PDE9A: variants seen among roughly 807,000 people sequenced by gnomAD.
PDE9A encodes high affinity cGMP-specific 3',5'-cyclic phosphodiesterase 9A.
In PDE9A, 60 loss-of-function variants were observed where a neutral mutation model predicts 87.4. The ratio of observed to expected loss-of-function variants is 0.69; its 90% CI spans 0.56 to 0.85. The LOEUF (loss-of-function observed/expected upper bound fraction) is 0.85. Among genes scored for constraint, PDE9A ranks in the 40% least tolerant of loss-of-function variants. The probability of loss-of-function intolerance (pLI) is 0.00; values close to 1 mark genes in which losing one functional copy is unlikely to be tolerated. For missense variants in PDE9A, 665 were observed against 779.0 expected (o/e 0.85, Z 1.74); for synonymous variants, 272 against 279.4 (o/e 0.97, Z 0.27).
In PDE9A at chr21:42,770,687, C is replaced by T. The variant is rs1042789766; in HGVS notation, c.1591-16C>T. 7 of 1,594,880 alleles carry T rather than the reference C, an allele frequency of 4.4e-6. No individual in the cohort carries two copies. Among genetic ancestry groups the T allele is most frequent in the East Asian group, 2.2e-5 (1 of 44,758 alleles). On this transcript the variant is annotated splice_polypyrimidine_tract_variant and intron_variant, in intron 17 of 19. Transcript: ENST00000291539. ...AAGAACGAGGGACTCTGAATAAATC[C>T]GTGTGTCTCTCCCAGCTCTTCCCCA...
Position 42,743,785 on chromosome 21 carries a change from T to C in PDE9A, c.578T>C (p.Leu193Pro), listed in dbSNP as rs200110573. The change falls in exon 8 of 20, where the codon CTA (leucine) becomes CCA (proline). Residue 193 changes from leucine (L) to proline (P), a missense_variant. Leu to Pro is a moderately conservative substitution (Grantham distance 98, BLOSUM62 -3). Transcript: ENST00000291539. Reference protein sequence around the residue: ...VLEKRVELEGLKVVEIEKCKS... With the variant: ...VLEKRVELEGPKVVEIEKCKS... ...CTCTCTCTGTCACCAGTGGAAGGAC[T>C]AAAAGTGGTGGAGATTGAGAAATGC... 2.2e-5 allele frequency: 35 copies of C among 1,587,984 alleles called. No homozygotes were observed. Among genetic ancestry groups the C allele is most frequent in the Non-Finnish European group, 3.0e-5 (35 of 1,165,148 alleles).
chr21:42,665,927 G>T (rs774715963), intron 1 of PDE9A, among the ~76,000 whole-genome samples: 2 of 152,208 alleles, frequency 1.3e-5, no homozygotes, highest in Admixed American at 1.3e-4. Flanking sequence ...GCACCTCTGC[G>T]CCATGAGGCC....
rs562927812 is a variant in PDE9A, at chr21:42,754,198, C to A, written c.810+134C>A. The A allele has an allele frequency of 8.7e-3, 4,877 of 563,392 alleles. 168 individuals are homozygous for A. The highest frequency in any genetic ancestry group is 0.076 in the African/African-American group (3,863 of 50,524). The allele number at this position is 563,392 out of a possible 1,614,324, so 34.9% of individuals were successfully genotyped here. A position where few individuals can be genotyped will look rare whatever the true frequency, so the allele number is the denominator to read the frequency against. On this transcript the variant is annotated intron_variant, in intron 10 of 19. Coordinates refer to ENST00000291539, the MANE Select transcript of PDE9A (RefSeq NM_002606.3). ...CTTTTTAAAGACTGAAAAAAAAAAA[C>A]AAAACTTGTTTTGCCAGGTTTTAGT...
intron 2 of PDE9A, among the ~76,000 whole-genome samples, chr21:42,686,620 G>T (rs1179829793): frequency 6.6e-6 from 1 of 152,148 alleles, no homozygotes; most frequent in East Asian, 1.9e-4. Context: ...TTCGAGACCA[G>T]CCTGGCCAAC....
At chr21:42,772,964 T>A (rs2057151135) in intron 19 of PDE9A, among the ~76,000 whole-genome samples, 1 of 150,760 alleles carries the variant, frequency 6.6e-6, no homozygotes. Flanking sequence ...TTGCAACTAA[T>A]CATTAGAATT....
chr21:42,748,729 C>CT lies in PDE9A; in HGVS notation c.654-2378dup, dbSNP rs944395002. Among the ~76,000 whole-genome samples the CT allele has an allele frequency of 3.5e-3, 526 of 151,258 alleles. 2 individuals are homozygous for CT. Among genetic ancestry groups the CT allele is most frequent in the Middle Eastern group, 0.017 (5 of 294 alleles). ...ACAACTAAAACATGCGTTGTGTAGT[C>CT]TTTTTTTTTACTAGTGGCATTGTGA... On this transcript the variant is annotated intron_variant, in intron 8 of 19. Transcript: ENST00000291539.
intron 1 of PDE9A, among the ~76,000 whole-genome samples, chr21:42,685,178 G>A (rs1011074793): frequency 6.6e-6 from 1 of 152,210 alleles, no homozygotes. Flanking sequence ...GTCCAGCCCT[G>A]GAGAAGCCCC....
chr21:42,728,038 C>T (rs958890290), intron 4 of PDE9A, among the ~76,000 whole-genome samples: 1 of 152,140 alleles, frequency 6.6e-6, no homozygotes, highest in Non-Finnish European at 1.5e-5. Context: ...TGTTCCATAT[C>T]CATATATCCA....
intron 7 of PDE9A, among the ~76,000 whole-genome samples, chr21:42,736,158 C>A (rs1569221255): frequency 6.6e-6 from 1 of 152,100 alleles, no homozygotes; most frequent in Non-Finnish European, 1.5e-5. Flanking sequence ...AGTGCCAGCT[C>A]CCCCCATGCT....
chr21:42,684,767 G>A (rs142081353), intron 1 of PDE9A, among the ~76,000 whole-genome samples: 2 of 152,298 alleles, frequency 1.3e-5, no homozygotes, highest in African/African-American at 2.4e-5. Flanking sequence ...TGCCACAGAC[G>A]TCAGGAACCA....
chr21:42,748,626 G>A (rs747672370), intron 8 of PDE9A, among the ~76,000 whole-genome samples: 2 of 152,162 alleles, frequency 1.3e-5, no homozygotes, highest in African/African-American at 2.4e-5. Context: ...GACAACAGCC[G>A]GCAATGTCCC....
rs62215373 is a variant in PDE9A, at chr21:42,660,231, G to A, written c.69+6348G>A. Among the ~76,000 whole-genome samples, 517 of 152,276 alleles carry A rather than the reference G, an allele frequency of 3.4e-3. No individual in the cohort carries two copies. The highest frequency in any genetic ancestry group is 0.016 in the South Asian group (78 of 4,822). ...CCCAGAGAGCCCCCAGAGACCAGACGGCACAGCCCGATAGCTGGGCCTGCC... is the reference window on the plus strand; with the variant it reads ...CCCAGAGAGCCCCCAGAGACCAGACAGCACAGCCCGATAGCTGGGCCTGCC... On this transcript the variant is annotated intron_variant, in intron 1 of 19. Transcript: ENST00000291539. The surrounding 1 kb of genome is among the most constrained non-coding windows in gnomAD (Gnocchi z 4.7).
chr21:42,680,767 C>T (rs749567050), intron 1 of PDE9A, among the ~76,000 whole-genome samples: 13 of 152,232 alleles, frequency 8.5e-5, no homozygotes, highest in Admixed American at 2.6e-4. Context: ...GCGGACCCCT[C>T]CCCAGGCCTC....
In PDE9A at chr21:42,733,341, C is replaced by A. The variant is rs766930011; in HGVS notation, c.498-15C>A. On this transcript the variant is annotated splice_polypyrimidine_tract_variant and intron_variant, in intron 6 of 19. Transcript: ENST00000291539. ...AAGGGTCATATTTACTCTCTCTTTT[C>A]TTTTTCATTCCTAGAGCATTCAAAA... The A allele has an allele frequency of 2.6e-6, 4 of 1,516,828 alleles. No individual in the cohort carries two copies. Among genetic ancestry groups the A allele is most frequent in the African/African-American group, 1.4e-5 (1 of 73,038 alleles). The allele number at this position is 1,516,828 out of a possible 1,614,324, so 94.0% of individuals were successfully genotyped here. A position where few individuals can be genotyped will look rare whatever the true frequency, so the allele number is the denominator to read the frequency against.
At chr21:42,765,525 C>T (rs1403762186) in intron 15 of PDE9A, 31 bp downstream of exon 15, 2 of 1,276,020 alleles carry the variant, frequency 1.6e-6, no homozygotes, top group Non-Finnish European at 2.3e-6. Flanking sequence ...GGGTGGGCAG[C>T]CAGGCGGTGG....
chr21:42,754,520 T>G (rs1049153017), intron 10 of PDE9A, among the ~76,000 whole-genome samples: 5 of 152,196 alleles, frequency 3.3e-5, no homozygotes, highest in African/African-American at 9.7e-5. Flanking sequence ...CTGCCCCAGA[T>G]AAGTGGACAT....
chr21:42,678,798 G>A (rs969013397), intron 1 of PDE9A, among the ~76,000 whole-genome samples: 3 of 152,190 alleles, frequency 2.0e-5, no homozygotes, highest in East Asian at 1.9e-4. Flanking sequence ...AGACAGGACC[G>A]TCTGTGGGAC....
rs1310837985 is a variant in PDE9A, at chr21:42,660,014, C to T, written c.69+6131C>T. The stretch of plus-strand genomic sequence containing the variant: ...TCGGGGCATAAGCCGGGCAGGGAGG[C>T]GGCAGGAACTGGGCCCCAGGGGGCC... On this transcript the variant is annotated intron_variant, in intron 1 of 19. Transcript: ENST00000291539. This position sits in a 1 kb window ranked among gnomAD's most constrained non-coding sequence, Gnocchi z 4.7. Among the ~76,000 whole-genome samples the T allele has an allele frequency of 1.3e-5, 2 of 152,180 alleles. No individual in the cohort carries two copies. Among genetic ancestry groups the T allele is most frequent in the Admixed American group, 6.5e-5 (1 of 15,288 alleles).
In PDE9A at chr21:42,739,355, T is replaced by A. The variant is rs58967737; in HGVS notation, c.569-4421T>A. Among the ~76,000 whole-genome samples the A allele has an allele frequency of 0.02, 3,105 of 152,008 alleles. 94 individuals are homozygous for A. Among genetic ancestry groups the A allele is most frequent in the African/African-American group, 0.066 (2,739 of 41,428 alleles). On this transcript the variant is annotated intron_variant, in intron 7 of 19. Transcript: ENST00000291539. The surrounding 1 kb of genome is among the most constrained non-coding windows in gnomAD (Gnocchi z 4.1). ...GAGGTGGAGCAGGGCTGGCAGTGGG[T>A]CGAAGAGGGGAGCTGTGGAATCTTC...
Sources: allele counts gnomAD v4.1 joint callset (sites outside exome capture counted in the v4.1 genomes callset), GRCh38; gene constraint gnomAD v4.1.1; non-coding constraint Gnocchi (gnomAD v3.1); transcripts MANE v1.5; gene names NCBI Gene and HGNC (gene_info 2026-07-23, HGNC 2026-07-21).